The following EVC2 variants were observed in gnomAD, a reference collection of about 807,000 sequenced individuals.
EVC2 encodes EvC ciliary complex subunit 2.
A neutral mutation model predicts 149.3 loss-of-function variants in EVC2; 148 were observed. That is an observed-to-expected ratio of 0.99 (90% CI 0.87 to 1.14). EVC2 has a LOEUF of 1.14. EVC2 is among the 50% of genes most tolerant of loss of function. The pLI is 0.00. For synonymous variants in EVC2, 776 were observed against 649.9 expected, an observed-to-expected ratio of 1.19 and a Z score of -2.95; for missense variants, 1,854 against 1,627.3, an observed-to-expected ratio of 1.14 and a Z score of -2.40.
intron 15 of EVC2, among the ~76,000 whole-genome samples, chr4:5,617,423 G>A (rs749516926): frequency 1.3e-5 from 2 of 152,150 alleles, no homozygotes; most frequent in South Asian, 2.1e-4. Context: ...GAGAAGCCCC[G>A]ATGTTTTGCA....
chr4:5,543,938 A>G (rs1721564675), intron 21 of EVC2, among the ~76,000 whole-genome samples: 1 of 152,202 alleles, frequency 6.6e-6, no homozygotes, highest in African/African-American at 2.4e-5. Context: ...CAGGGCCATC[A>G]TGAGGAGACC....
In EVC2 at chr4:5,567,521, T is replaced by C. The variant is rs1220923860; in HGVS notation, c.3557+923A>G. 6.6e-6 allele frequency among the ~76,000 whole-genome samples: 1 copy of C among 152,110 alleles called. No homozygotes were observed. The highest frequency in any genetic ancestry group is 2.4e-5 in the African/African-American group (1 of 41,398). On this transcript the variant is annotated intron_variant, in intron 20 of 21. Transcript: ENST00000344408. This position sits in a 1 kb window ranked among gnomAD's most constrained non-coding sequence, Gnocchi z 4.4. ...GAGCTCTGCATCCTGGTGCAATGTT[T>C]TCATCCTGGCCATGGCTTTCCTTGC... is the stretch of plus-strand genomic sequence containing the variant.
At chr4:5,643,250 C>T (rs1328131818) in intron 9 of EVC2, among the ~76,000 whole-genome samples, 1 of 152,160 alleles carries the variant, frequency 6.6e-6, no homozygotes, top group Non-Finnish European at 1.5e-5. Flanking sequence ...GAAATTCCCA[C>T]GTGAAGGATG....
At chr4:5,549,676 A>G (rs943595530) in intron 21 of EVC2, among the ~76,000 whole-genome samples, 1 of 152,222 alleles carries the variant, frequency 6.6e-6, no homozygotes, top group Non-Finnish European at 1.5e-5. Context: ...TTCTGATTCC[A>G]AATACCAAGG....
the EVC2 span, among the ~76,000 whole-genome samples, chr4:5,533,391 G>A: frequency 1.3e-5 from 2 of 152,232 alleles, no homozygotes; most frequent in African/African-American, 4.8e-5. Flanking sequence ...GGCAGAAGTG[G>A]CTGGAGCAGA....
chr4:5,579,077 G>A (rs1711532300), intron 17 of EVC2, among the ~76,000 whole-genome samples: 1 of 152,168 alleles, frequency 6.6e-6, no homozygotes, highest in African/African-American at 2.4e-5. Context: ...GTGGTGAAAG[G>A]TGGGATTTTT....
intron 10 of EVC2, among the ~76,000 whole-genome samples, chr4:5,638,567 C>T (rs777482204): frequency 9.9e-5 from 15 of 151,976 alleles, no homozygotes; most frequent in South Asian, 2.1e-4. Flanking sequence ...AGGGCAGTGT[C>T]GGTGAGGGAG....
intron 9 of EVC2, 59 bp downstream of exon 9, chr4:5,663,048 C>T (rs1719005588): frequency 1.9e-6 from 3 of 1,607,396 alleles, no homozygotes; most frequent in Admixed American, 1.7e-5. Flanking sequence ...GGCCTTATGT[C>T]ACTGTCGTTA....
chr4:5,607,025 T>C (rs2108817332), intron 16 of EVC2, among the ~76,000 whole-genome samples: 1 of 152,324 alleles, frequency 6.6e-6, no homozygotes, highest in South Asian at 2.1e-4. Flanking sequence ...ACATGTTTTA[T>C]GCCAGCATTG....
At chr4:5,681,718 G>A (rs766653250) in intron 6 of EVC2, among the ~76,000 whole-genome samples, 3 of 152,128 alleles carry the variant, frequency 2.0e-5, no homozygotes, top group Non-Finnish European at 4.4e-5. Context: ...TCACTCAAAC[G>A]CACTTGATTC....
intron 21 of EVC2, among the ~76,000 whole-genome samples, chr4:5,548,990 GTCCC>G (rs3047228): frequency 0.33 from 43,898 of 133,148 alleles, 7,909 homozygotes; most frequent in East Asian, 0.87. Flanking sequence ...TCTTTCTTCC[GTCCC>G]TCCCTCCCTC....
In EVC2 at chr4:5,694,495, G is replaced by C. The variant is rs914857971; in HGVS notation, c.290C>G (p.Ala97Gly). 7 of 1,614,074 alleles carry C rather than the reference G, an allele frequency of 4.3e-6. No homozygotes were observed. The African/African-American group carries it at 8.0e-5, about 18-fold the overall frequency. ...CTTGTCCAATTTCATTCCAAGTGGTGCTTCCACTGCAAAACAACAACACAC... is the reference window on the plus strand; with the variant it reads ...CTTGTCCAATTTCATTCCAAGTGGTCCTTCCACTGCAAAACAACAACACAC... ...ECCHFKTAVE[A>G]PLGMKLDKKM... Residue 97 changes from alanine to glycine, a missense_variant, in exon 3 of 22, where the codon GCA (alanine) becomes GGA (glycine). Transcript: ENST00000344408.
rs1029141805 is a variant in EVC2, at chr4:5,679,726, T to C, written c.870+1534A>G. 2.0e-5 allele frequency among the ~76,000 whole-genome samples: 3 copies of C among 152,204 alleles called. No individual in the cohort carries two copies. Among genetic ancestry groups the C allele is most frequent in the Non-Finnish European group, 4.4e-5 (3 of 68,032 alleles). ...GTGGTTTGCTGCACCTATCAACCTG[T>C]CATCTAGGTTTTAAGCCCCACATGT... On this transcript the variant is annotated intron_variant, in intron 7 of 21. Coordinates refer to ENST00000344408, the MANE Select transcript of EVC2 (RefSeq NM_147127.5). The surrounding 1 kb of genome is among the most constrained non-coding windows in gnomAD (Gnocchi z 5.1).
At chr4:5,532,617 C>T in the EVC2 span, among the ~76,000 whole-genome samples, 5 of 152,252 alleles carry the variant, frequency 3.3e-5, no homozygotes, top group South Asian at 2.1e-4. Flanking sequence ...CAGTTGTGTC[C>T]TTCCTTCTAA....
intron 16 of EVC2, among the ~76,000 whole-genome samples, chr4:5,592,576 G>T (rs773055491): frequency 1.3e-5 from 2 of 152,228 alleles, no homozygotes; most frequent in Non-Finnish European, 2.9e-5. Flanking sequence ...GGGAACAGCA[G>T]TCTCCCAACA....
intron 9 of EVC2, among the ~76,000 whole-genome samples, chr4:5,643,388 G>GT (rs150884700): frequency 0.022 from 3,336 of 152,162 alleles, 120 homozygotes; most frequent in African/African-American, 0.073. Flanking sequence ...CCATGTAATT[G>GT]TTTTTTTCAC....
chr4:5,703,914 G>C (rs1721980385), intron 1 of EVC2, among the ~76,000 whole-genome samples: 1 of 152,108 alleles, frequency 6.6e-6, no homozygotes, highest in African/African-American at 2.4e-5. Context: ...GTGACAGAGT[G>C]GCTGTCAGGG....
downstream of EVC2, among the ~76,000 whole-genome samples, chr4:5,559,427 G>T (rs1031392068): frequency 5.9e-5 from 9 of 152,142 alleles, no homozygotes; most frequent in African/African-American, 2.2e-4. The surrounding 1 kb of genome is among the most constrained non-coding windows in gnomAD (Gnocchi z 5.0). Context: ...TACTCCAGTA[G>T]CAATAAGCAC....
chr4:5,707,513 G>A (rs952512501), intron 1 of EVC2, among the ~76,000 whole-genome samples: 3 of 152,094 alleles, frequency 2.0e-5, no homozygotes, highest in African/African-American at 7.2e-5. Context: ...CATGGGACAG[G>A]AGTGGCAGAA....
Sources: gnomAD v4.1 joint callset for allele counts (sites outside exome capture counted in the v4.1 genomes callset) on GRCh38, gnomAD v4.1.1 for gene constraint, Gnocchi (gnomAD v3.1) non-coding constraint, MANE v1.5 for transcripts, NCBI Gene and HGNC (gene_info 2026-07-23, HGNC 2026-07-21) for gene names.